SFMBT2: variants seen among roughly 807,000 people sequenced by gnomAD.
SFMBT2 encodes the protein scm-like with four MBT domains protein 2.
A neutral mutation model predicts 110.1 loss-of-function variants in SFMBT2; 38 were observed. The observed-to-expected ratio is 0.35, with a 90% CI of 0.27 to 0.45. SFMBT2 has a LOEUF of 0.45. Ranked by LOEUF, SFMBT2 falls within the 20% of genes least tolerant of loss-of-function variation. The pLI is 1.00. For synonymous variants in SFMBT2, 425 were observed against 425.4 expected (o/e 1.00, Z 0.01); for missense variants, 1,011 against 1,094.9 (o/e 0.92, Z 1.08).
At chr10:7,275,555 A>G (rs556890698) in intron 7 of SFMBT2, among the ~76,000 whole-genome samples, 27 of 152,288 alleles carry the variant, frequency 1.8e-4, no homozygotes, top group African/African-American at 6.3e-4. Context: ...GAGGCAAAAA[A>G]TAACAACATT....
intron 12 of SFMBT2, chr10:7,204,617 T>A: frequency 1.8e-6 from 1 of 563,224 alleles, no homozygotes; most frequent in Non-Finnish European, 2.3e-6. Flanking sequence ...GGCCAAAGTG[T>A]AATTCCAGCA....
chr10:7,382,389 A>C (rs898860833), intron 1 of SFMBT2, among the ~76,000 whole-genome samples: 2 of 152,046 alleles, frequency 1.3e-5, no homozygotes, highest in African/African-American at 4.8e-5. Flanking sequence ...CAGCCTGTGA[A>C]ACAGAGTGAG....
chr10:7,262,200 G>A (rs1841227835), intron 7 of SFMBT2, among the ~76,000 whole-genome samples: 1 of 152,202 alleles, frequency 6.6e-6, no homozygotes, highest in Non-Finnish European at 1.5e-5. Flanking sequence ...TTAAACGGGT[G>A]GCCTAACTTG....
chr10:7,348,345 T>TA, intron 4 of SFMBT2: 1 of 1,519,050 alleles, frequency 6.6e-7, no homozygotes, highest in Non-Finnish European at 8.8e-7. Context: ...TACAAAAAAA[T>TA]AATCACAGAT....
At position 7,170,865 on chromosome 10, in the gene SFMBT2, G is replaced by A. The variant is rs1011738187; in HGVS notation, c.2544+63C>T. 98 of 1,603,802 alleles carry A rather than the reference G, an allele frequency of 6.1e-5. No individual in the cohort carries two copies. The highest frequency in any genetic ancestry group is 1.3e-4 in the Admixed American group (8 of 59,794). On this transcript the variant is annotated intron_variant, in intron 20 of 20. Coordinates refer to ENST00000397167, the MANE Select transcript of SFMBT2 (RefSeq NM_001387889.1). The surrounding 1 kb of genome is among the most constrained non-coding windows in gnomAD (Gnocchi z 4.6). Reference sequence around the variant, plus strand: ...GTCACGAGGAAGCCGGCTAGGACACGAGGTTCATTTCAGATGCAGAGTCTC... The same window carrying A: ...GTCACGAGGAAGCCGGCTAGGACACAAGGTTCATTTCAGATGCAGAGTCTC...
intron 4 of SFMBT2, among the ~76,000 whole-genome samples, chr10:7,337,431 G>T (rs764958519): frequency 3.9e-5 from 6 of 152,182 alleles, no homozygotes; most frequent in African/African-American, 1.4e-4. Flanking sequence ...TGACTGGATC[G>T]TGCAGGCAGT....
At chr10:7,175,733 A>G (rs1210786850) in intron 17 of SFMBT2, among the ~76,000 whole-genome samples, 1 of 145,694 alleles carries the variant, frequency 6.9e-6, no homozygotes, top group Non-Finnish European at 1.5e-5. Context: ...CAGTACACAC[A>G]GTTCCTCTTC....
intron 16 of SFMBT2, among the ~76,000 whole-genome samples, chr10:7,178,548 A>G (rs894493014): frequency 6.6e-6 from 1 of 152,084 alleles, no homozygotes; most frequent in African/African-American, 2.4e-5. Flanking sequence ...ATAAAAATTA[A>G]GCTCCTCGCA....
chr10:7,339,016 G>C (rs1456661024), intron 4 of SFMBT2, among the ~76,000 whole-genome samples: 1 of 152,184 alleles, frequency 6.6e-6, no homozygotes, highest in Non-Finnish European at 1.5e-5. Context: ...GAGGTGGGCA[G>C]ATCATCTGAG....
At chr10:7,286,005 C>A in intron 4 of SFMBT2, 51 bp from the exon 5 acceptor site, 1 of 824,188 alleles carries the variant, frequency 1.2e-6, no homozygotes, top group South Asian at 1.4e-5. Flanking sequence ...AAAAACACTT[C>A]AACACAGCAG....
At chr10:7,257,123 G>GAGGGGAGGGGAGGGGAGGGAAAGA (rs1288833965) in intron 7 of SFMBT2, among the ~76,000 whole-genome samples, 1 of 129,232 alleles carries the variant, frequency 7.7e-6, no homozygotes, top group Non-Finnish European at 1.8e-5. Context: ...GAGGGGAGGG[G>GAGGGGAGGGGAGGGGAGGGAAAGA]AAAGAAAAGA....
At chr10:7,376,864 A>AAC (rs1187186460) in intron 2 of SFMBT2, among the ~76,000 whole-genome samples, 1 of 150,176 alleles carries the variant, frequency 6.7e-6, no homozygotes, top group Non-Finnish European at 1.5e-5. Flanking sequence ...CAAAAAAAAA[A>AAC]AAAACAAACA....
intron 7 of SFMBT2, among the ~76,000 whole-genome samples, chr10:7,267,649 C>T (rs1841437578): frequency 6.6e-6 from 1 of 152,198 alleles, no homozygotes; most frequent in Admixed American, 6.5e-5. Context: ...CTGCCAGCCT[C>T]AGCCTCCCAA....
chr10:7,372,599 G>A (rs1023882638), intron 2 of SFMBT2, among the ~76,000 whole-genome samples: 18 of 152,190 alleles, frequency 1.2e-4, no homozygotes, highest in Non-Finnish European at 1.2e-4. Flanking sequence ...AGTTTAGAGC[G>A]TCACAGACAC....
chr10:7,376,033 A>G (rs950399911), intron 2 of SFMBT2, among the ~76,000 whole-genome samples: 4 of 152,302 alleles, frequency 2.6e-5, no homozygotes, highest in African/African-American at 9.6e-5. Context: ...CTCTCCACTG[A>G]GGCTCACCCT....
At chr10:7,376,967 G>A (rs1225081122) in intron 2 of SFMBT2, among the ~76,000 whole-genome samples, 13 of 150,850 alleles carry the variant, frequency 8.6e-5, no homozygotes, top group African/African-American at 1.2e-4. Flanking sequence ...TCAGGAGATC[G>A]AGACCGTCCT....
At chr10:7,304,325 T>C (rs1276142768) in intron 4 of SFMBT2, among the ~76,000 whole-genome samples, 2 of 152,188 alleles carry the variant, frequency 1.3e-5, no homozygotes, top group Non-Finnish European at 2.9e-5. Context: ...ATACAAGACA[T>C]ACCTTTGTTC....
At chr10:7,248,772 C>T in intron 7 of SFMBT2, 123 bp from the exon 8 acceptor site, 1 of 745,306 alleles carries the variant, frequency 1.3e-6, no homozygotes, top group South Asian at 1.8e-5. Flanking sequence ...AATTAACCTT[C>T]CCTGTTTCGA....
At chr10:7,407,213 C>G (rs1419735019) in intron 1 of SFMBT2, among the ~76,000 whole-genome samples, 1 of 151,040 alleles carries the variant, frequency 6.6e-6, no homozygotes, top group Non-Finnish European at 1.5e-5. Context: ...CCTCTCCCCT[C>G]CCCCACCCCA....
Sources: allele counts gnomAD v4.1 joint callset (sites outside exome capture counted in the v4.1 genomes callset), GRCh38; gene constraint gnomAD v4.1.1; non-coding constraint Gnocchi (gnomAD v3.1); transcripts MANE v1.5; gene names NCBI Gene and HGNC (gene_info 2026-07-23, HGNC 2026-07-21).